HLCS: variants seen among roughly 807,000 people sequenced by gnomAD.
HLCS encodes the protein biotin--protein ligase.
In HLCS, 53 loss-of-function variants were observed where a neutral mutation model predicts 75.0. The observed-to-expected ratio is 0.71, with a 90% CI of 0.57 to 0.89. The LOEUF (loss-of-function observed/expected upper bound fraction) is 0.89, where lower values mean the gene tolerates loss of function less well. Ranked by LOEUF, HLCS falls within the 40% of genes least tolerant of loss-of-function variation. The pLI, the probability that HLCS is intolerant of heterozygous loss-of-function variation, is 0.00. For missense variants in HLCS, 966 were observed against 1,074.0 expected (o/e 0.90, Z 1.41); for synonymous variants, 431 against 428.6 (o/e 1.01, Z -0.07).
intron 6 of HLCS, among the ~76,000 whole-genome samples, chr21:36,785,800 C>T (rs1251134793): frequency 6.6e-6 from 1 of 152,296 alleles, no homozygotes; most frequent in Non-Finnish European, 1.5e-5. Flanking sequence ...CCCCAAGAAG[C>T]AGGATGCTAG....
At chr21:36,763,849 C>T (rs967282643) in intron 8 of HLCS, among the ~76,000 whole-genome samples, 1 of 152,186 alleles carries the variant, frequency 6.6e-6, no homozygotes, top group African/African-American at 2.4e-5. Flanking sequence ...TAACTGACAA[C>T]AAAACATCCA....
At chr21:36,855,497 C>G (rs950430695) in intron 6 of HLCS, among the ~76,000 whole-genome samples, 12 of 145,696 alleles carry the variant, frequency 8.2e-5, no homozygotes, top group African/African-American at 2.9e-4. Flanking sequence ...GAGATCACAC[C>G]ACTGCACTCC....
chr21:36,760,747 G>C (rs2089804287), intron 8 of HLCS, among the ~76,000 whole-genome samples: 1 of 152,322 alleles, frequency 6.6e-6, no homozygotes, highest in African/African-American at 2.4e-5. Flanking sequence ...CGTCTTGAAT[G>C]GTGTGGCCTG....
At position 36,905,416 on chromosome 21, in the gene HLCS, C is replaced by T. The variant is rs997914054; in HGVS notation, c.1621-8285G>A. Among the ~76,000 whole-genome samples the T allele has an allele frequency of 1.3e-5, 2 of 152,132 alleles. 1 individual carries two copies. Among genetic ancestry groups the T allele is most frequent in the Non-Finnish European group, 2.9e-5 (2 of 68,022 alleles). On this transcript the variant is annotated intron_variant, in intron 5 of 10. Transcript: ENST00000674895. ...AAATCATTACAGCTAGTTCTATTGA[C>T]AACAAACAACCACTATCAGATTCCA...
intron 6 of HLCS, among the ~76,000 whole-genome samples, chr21:36,829,327 C>T (rs749350322): frequency 3.9e-5 from 6 of 152,156 alleles, no homozygotes; most frequent in Non-Finnish European, 5.9e-5. Context: ...CACCCTTTAC[C>T]TTGTCAAATG....
chr21:36,776,500 C>T (rs919442893), intron 6 of HLCS, among the ~76,000 whole-genome samples: 5 of 152,196 alleles, frequency 3.3e-5, no homozygotes, highest in South Asian at 2.1e-4. Context: ...CTGCAACCTC[C>T]GCCTCCCAGG....
In HLCS at chr21:36,753,626, C is replaced by T. The variant is rs2089444748; in HGVS notation, c.*620G>A. 1 of 154,468 alleles carries T rather than the reference C, an allele frequency of 6.5e-6. No homozygotes were observed. Among genetic ancestry groups the T allele is most frequent in the South Asian group, 2.0e-4 (1 of 4,960 alleles). 9.6% of individuals were successfully genotyped at this position (154,468 alleles called of 1,614,324 possible). A position where few individuals can be genotyped will look rare whatever the true frequency, so the allele number is the denominator to read the frequency against. The stretch of plus-strand genomic sequence containing the variant: ...CAAAGTAATGAACTGATTTCCTCTA[C>T]AAGGTCACTGCAACCACACCAGCTA... On this transcript the variant is annotated 3_prime_UTR_variant, in exon 11 of 11. Transcript: ENST00000674895. This position sits in a 1 kb window ranked among gnomAD's most constrained non-coding sequence, Gnocchi z 4.3.
intron 6 of HLCS, 50 bp from the exon 7 acceptor site, chr21:36,767,335 G>A (rs535719141): frequency 3.9e-6 from 6 of 1,535,658 alleles, no homozygotes; most frequent in South Asian, 1.1e-5. Context: ...ACACGCCCGC[G>A]GCACCAATGG....
chr21:36,946,113 C>T (rs1306713873), intron 2 of HLCS: 1 of 985,238 alleles, frequency 1.0e-6, no homozygotes, highest in African/African-American at 1.7e-5. Flanking sequence ...AGCAAGTAAC[C>T]TCATGAGAAA....
In HLCS at chr21:36,936,505, T is replaced by C; in HGVS notation, c.1381A>G (p.Arg461Gly). 3 of 1,614,246 alleles carry C rather than the reference T, an allele frequency of 1.9e-6. No homozygotes were observed. The highest frequency in any genetic ancestry group is 2.5e-6 in the Non-Finnish European group (3 of 1,180,042). ...QGHLENEDKD[R>G]MIVHVPFGTR... The stretch of plus-strand genomic sequence containing the variant: ...CCAAAAGGCACATGCACAATCATCC[T>C]GTCCTTGTCCTCATTCTCCAGGTGG... The change falls in exon 4 of 11, where the codon AGG becomes GGG. Residue 461 changes from arginine (R) to glycine (G), a missense_variant. Arg to Gly is a moderately radical substitution (Grantham distance 125). Transcript: ENST00000674895.
chr21:36,929,615 G>A (rs2146490015), intron 5 of HLCS, among the ~76,000 whole-genome samples: 1 of 152,218 alleles, frequency 6.6e-6, no homozygotes, highest in East Asian at 1.9e-4. Context: ...AAATTTGTCT[G>A]TTCAGAGAAG....
chr21:36,839,753 A>T (rs2062552823), intron 6 of HLCS, among the ~76,000 whole-genome samples: 1 of 152,244 alleles, frequency 6.6e-6, no homozygotes. Flanking sequence ...ATGTCTTCAG[A>T]CAGAAGAACC....
At chr21:36,811,515 G>A (rs548886460) in intron 6 of HLCS, among the ~76,000 whole-genome samples, 8 of 152,288 alleles carry the variant, frequency 5.3e-5, no homozygotes, top group Admixed American at 2.6e-4. Context: ...TACAGAGCCC[G>A]AATGCCCTCC....
chr21:36,876,385 T>G (rs1335452611), intron 6 of HLCS, among the ~76,000 whole-genome samples: 24 of 152,176 alleles, frequency 1.6e-4, no homozygotes, highest in Admixed American at 1.6e-3. Flanking sequence ...AATTCGTACA[T>G]CAACTTACAG....
Position 36,947,523 on chromosome 21 carries a change from G to A in HLCS, c.331-8529C>T, listed in dbSNP as rs997179191. On this transcript the variant is annotated intron_variant, in intron 2 of 10. Transcript: ENST00000674895. ...TTTGCACTTCGAGATGGAAACAAAG[G>A]CATGGAAAAGAGAAGGGAAGTCAAG... is the stretch of plus-strand genomic sequence containing the variant. 7 of 985,370 alleles carry A rather than the reference G, an allele frequency of 7.1e-6. No homozygotes were observed. The African/African-American group carries it at 1.2e-4, about 17-fold the overall frequency. The allele number at this position is 985,370 out of a possible 1,614,324, so 61.0% of individuals were successfully genotyped here.
chr21:36,822,289 G>A (rs1206526878), intron 6 of HLCS, among the ~76,000 whole-genome samples: 1 of 152,036 alleles, frequency 6.6e-6, no homozygotes, highest in Non-Finnish European at 1.5e-5. Context: ...GCATGGTGGC[G>A]TGCACCTGTA....
intron 6 of HLCS, among the ~76,000 whole-genome samples, chr21:36,866,135 T>TTTG (rs1427668014): frequency 3.9e-5 from 5 of 127,272 alleles, no homozygotes; most frequent in Non-Finnish European, 8.1e-5. Context: ...ATTTTATACC[T>TTTG]TTCAATCTGG....
intron 1 of HLCS, chr21:36,974,348 G>A (rs2068880020): frequency 1.3e-5 from 2 of 152,376 alleles, no homozygotes. Context: ...AGAGGAGAGA[G>A]ATAGAGAGGC....
intron 1 of HLCS, among the ~76,000 whole-genome samples, chr21:36,975,349 G>A (rs2068907444): frequency 6.6e-6 from 1 of 151,926 alleles, no homozygotes; most frequent in African/African-American, 2.4e-5. Flanking sequence ...TTCTAGTCCA[G>A]GCCCAGCTCA....
Sources: allele counts gnomAD v4.1 joint callset (sites outside exome capture counted in the v4.1 genomes callset), GRCh38; gene constraint gnomAD v4.1.1; non-coding constraint Gnocchi (gnomAD v3.1); transcripts MANE v1.5; gene names NCBI Gene and HGNC (gene_info 2026-07-23, HGNC 2026-07-21).